The following SMIM31 variants were observed in gnomAD, a reference collection of about 807,000 sequenced individuals.
SMIM31 encodes the protein small integral membrane protein 31, also known as human epithelial cell program regulator.
At chr4:164,788,643 C>T (rs1405709771) in intron 2 of SMIM31, among the ~76,000 whole-genome samples, 1 of 151,294 alleles carries the variant, frequency 6.6e-6, no homozygotes, top group African/African-American at 2.4e-5. Context: ...GCATGCACCA[C>T]CACGCCCGGC....
rs1206556727 is a variant in SMIM31, at chr4:164,801,007, A to C, written c.113-84A>C. The C allele has an allele frequency of 1.0e-5, 4 of 395,888 alleles. No homozygotes were observed. In the Admixed American group the frequency reaches 1.8e-4, roughly 17 times the overall value. 24.5% of individuals were successfully genotyped at this position (395,888 alleles called of 1,614,324 possible). A position where few individuals can be genotyped will look rare whatever the true frequency, so the allele number is the denominator to read the frequency against. On this transcript the variant is annotated intron_variant, in intron 2 of 2. Transcript: ENST00000507311. ...GGAAAAGTTACATTAGTGAGCACCC[A>C]AGTCTTCTTATAACCGAAGTTAATT...
intron 1 of SMIM31, among the ~76,000 whole-genome samples, chr4:164,767,482 G>A (rs1056623062): frequency 6.6e-6 from 1 of 152,160 alleles, no homozygotes; most frequent in East Asian, 1.9e-4. Context: ...TAGAGAAGCT[G>A]TGGGGAACAA....
At chr4:164,794,971 TGAGTGGAATTA>T (rs531686175) in intron 2 of SMIM31, among the ~76,000 whole-genome samples, 80 of 152,164 alleles carry the variant, frequency 5.3e-4, no homozygotes, top group African/African-American at 1.8e-3. Flanking sequence ...TGAACTCTAA[TGAGTGGAATTA>T]GAAAAGAATA....
intron 2 of SMIM31, among the ~76,000 whole-genome samples, chr4:164,786,852 A>G (rs925471957): frequency 6.6e-6 from 1 of 152,234 alleles, no homozygotes; most frequent in Non-Finnish European, 1.5e-5. Flanking sequence ...TTAAACATAA[A>G]TGGGTAGGTA....
At chr4:164,761,482 T>C (rs7659649) in intron 1 of SMIM31, among the ~76,000 whole-genome samples, 136,686 of 152,200 alleles carry the variant, frequency 0.9, 61,647 homozygotes, top group East Asian at 1. Flanking sequence ...AAAGAAGCCA[T>C]AGTCAATTCC....
intron 2 of SMIM31, among the ~76,000 whole-genome samples, chr4:164,798,296 C>T (rs538793647): frequency 1.3e-5 from 2 of 150,916 alleles, no homozygotes; most frequent in Non-Finnish European, 2.9e-5. Context: ...TGCAATGGCT[C>T]GATCTCAGGT....
At chr4:164,781,129 T>TAA (rs375648205) in intron 2 of SMIM31, among the ~76,000 whole-genome samples, 1 of 144,452 alleles carries the variant, frequency 6.9e-6, no homozygotes, top group Non-Finnish European at 1.5e-5. Flanking sequence ...TACATTTACA[T>TAA]ACACACACAC....
chr4:164,768,096 G>C (rs146667128), intron 1 of SMIM31, among the ~76,000 whole-genome samples: 2 of 151,838 alleles, frequency 1.3e-5, no homozygotes, highest in African/African-American at 4.8e-5. Flanking sequence ...TTCGCTGGGC[G>C]TAACAGTGCA....
chr4:164,789,070 C>T (rs1407744567), intron 2 of SMIM31, among the ~76,000 whole-genome samples: 1 of 138,534 alleles, frequency 7.2e-6, no homozygotes, highest in Admixed American at 7.2e-5. Context: ...AAATTGTGAT[C>T]TGGGAAAAAA....
intron 1 of SMIM31, among the ~76,000 whole-genome samples, chr4:164,767,368 T>C (rs1242878122): frequency 6.6e-6 from 1 of 152,192 alleles, no homozygotes; most frequent in Non-Finnish European, 1.5e-5. Flanking sequence ...TTAAATGTGA[T>C]AGAATATATG....
At chr4:164,759,999 A>G (rs976450701) in intron 1 of SMIM31, among the ~76,000 whole-genome samples, 21 of 152,316 alleles carry the variant, frequency 1.4e-4, no homozygotes, top group Admixed American at 1.4e-3. Flanking sequence ...AGGGTAAGCC[A>G]TTCAGGTCTC....
chr4:164,772,892 T>C, intron 2 of SMIM31, among the ~76,000 whole-genome samples: 1 of 151,606 alleles, frequency 6.6e-6, no homozygotes, highest in Non-Finnish European at 1.5e-5. Context: ...ATTGAAGTTT[T>C]AAACTTTACC....
At chr4:164,790,937 C>T (rs997671573) in intron 2 of SMIM31, among the ~76,000 whole-genome samples, 1 of 152,134 alleles carries the variant, frequency 6.6e-6, no homozygotes, top group African/African-American at 2.4e-5. Context: ...TTCTGCATTC[C>T]AGCATTGTCA....
At chr4:164,793,651 T>C (rs1178653793) in intron 2 of SMIM31, among the ~76,000 whole-genome samples, 2 of 152,074 alleles carry the variant, frequency 1.3e-5, no homozygotes, top group East Asian at 3.9e-4. Context: ...AAGAGCAAGA[T>C]CTCTGGTGTC....
chr4:164,777,793 G>A (rs1217866396), intron 2 of SMIM31, among the ~76,000 whole-genome samples: 1 of 152,192 alleles, frequency 6.6e-6, no homozygotes, highest in Non-Finnish European at 1.5e-5. Context: ...TTTAGAGAAA[G>A]TAAGCCCAAG....
At chr4:164,772,524 T>C (rs1732818978) in intron 2 of SMIM31, among the ~76,000 whole-genome samples, 1 of 152,204 alleles carries the variant, frequency 6.6e-6, no homozygotes. Flanking sequence ...AGATGAGTAA[T>C]AATAACCTCA....
intron 2 of SMIM31, among the ~76,000 whole-genome samples, chr4:164,795,935 C>T (rs927620076): frequency 2.0e-5 from 3 of 152,110 alleles, no homozygotes; most frequent in Non-Finnish European, 4.4e-5. Context: ...TCACAGGTCA[C>T]CAGACACTAC....
At chr4:164,783,736 G>T (rs1376490891) in intron 2 of SMIM31, among the ~76,000 whole-genome samples, 1 of 151,936 alleles carries the variant, frequency 6.6e-6, no homozygotes, top group African/African-American at 2.4e-5. Context: ...GAGCAACACA[G>T]CGAGACCACA....
At chr4:164,795,558 CAAAAAAAAAA>C (rs60083689) in intron 2 of SMIM31, among the ~76,000 whole-genome samples, 2 of 76,958 alleles carry the variant, frequency 2.6e-5, no homozygotes, top group African/African-American at 5.4e-5. Context: ...TACTCCATCT[CAAAAAAAAAA>C]AAAAAAAAAA....
Sources: allele counts gnomAD v4.1 joint callset (sites outside exome capture counted in the v4.1 genomes callset), GRCh38; gene constraint gnomAD v4.1.1; transcripts MANE v1.5; gene names NCBI Gene and HGNC (gene_info 2026-07-23, HGNC 2026-07-21).